UBE2V2: variants seen among roughly 807,000 people sequenced by gnomAD.
UBE2V2 encodes the protein ubiquitin-conjugating enzyme E2 variant 2.
UBE2V2 carries 9 observed loss-of-function variants against 17.2 expected under a neutral mutation model. That is an observed-to-expected ratio of 0.52 (90% CI 0.32 to 0.91). UBE2V2 has a LOEUF of 0.91. UBE2V2 is among the 40% of genes least tolerant of loss of function. The pLI is 0.04. For synonymous variants in UBE2V2, 61 were observed against 57.5 expected (o/e 1.06, Z -0.28); for missense variants, 133 against 182.6 (o/e 0.73, Z 1.56).
chr8:48,004,739 C>T (rs185557749), upstream of UBE2V2, among the ~76,000 whole-genome samples: 6 of 152,154 alleles, frequency 3.9e-5, no homozygotes, highest in East Asian at 1.2e-3. Flanking sequence ...CCATTTTGGC[C>T]AGGCTGGTAT....
In UBE2V2 at chr8:48,061,804, T is replaced by C. The variant is rs1802600143; in HGVS notation, c.*976T>C. On this transcript the variant is annotated 3_prime_UTR_variant, in exon 4 of 4. Coordinates refer to ENST00000523111, the MANE Select transcript of UBE2V2 (RefSeq NM_003350.3). ...TTGAGTTTGATTTCACCAGAAATAA[T>C]AATATTAAAAAGATCTTTGCATTCT... 6.6e-6 allele frequency: 1 copy of C among 152,220 alleles called. No individual in the cohort carries two copies. The highest frequency in any genetic ancestry group is 2.1e-4 in the South Asian group (1 of 4,838). 9.4% of individuals were successfully genotyped at this position (152,220 alleles called of 1,614,324 possible).
At chr8:48,029,134 C>G (rs1005896821) in intron 1 of UBE2V2, among the ~76,000 whole-genome samples, 1 of 151,970 alleles carries the variant, frequency 6.6e-6, no homozygotes, top group Non-Finnish European at 1.5e-5. Context: ...TTGAGAGCAG[C>G]CTGGGCAACG....
chr8:48,014,109 G>A (rs1385481451), intron 1 of UBE2V2, among the ~76,000 whole-genome samples: 1 of 152,134 alleles, frequency 6.6e-6, no homozygotes, highest in Non-Finnish European at 1.5e-5. Flanking sequence ...CCCTCTTGAG[G>A]CTTCCATAAC....
chr8:48,000,021 C>T, the UBE2V2 span, among the ~76,000 whole-genome samples: 4 of 152,222 alleles, frequency 2.6e-5, no homozygotes, highest in Non-Finnish European at 4.4e-5. Flanking sequence ...ATAACATAAC[C>T]GGTTAGGTCA....
chr8:48,020,611 T>C (rs2091298318), intron 1 of UBE2V2, among the ~76,000 whole-genome samples: 1 of 152,148 alleles, frequency 6.6e-6, no homozygotes, highest in Non-Finnish European at 1.5e-5. Context: ...TTTTCTCTAG[T>C]AGTATGTTTT....
chr8:48,049,769 CTTTCCCTT>C (rs912805255), intron 2 of UBE2V2, 76 bp from the exon 3 acceptor site: 1 of 1,258,098 alleles, frequency 7.9e-7, no homozygotes. Context: ...TCATATTGTA[CTTTCCCTT>C]TTTTTTTTTT....
the UBE2V2 span, among the ~76,000 whole-genome samples, chr8:47,999,922 G>C: frequency 6.6e-6 from 1 of 152,324 alleles, no homozygotes; most frequent in South Asian, 2.1e-4. Flanking sequence ...TGAGCAAGCA[G>C]GGGGCTTGCA....
intron 1 of UBE2V2, among the ~76,000 whole-genome samples, chr8:48,020,997 T>C (rs1392170748): frequency 6.6e-6 from 1 of 151,890 alleles, no homozygotes; most frequent in Non-Finnish European, 1.5e-5. Context: ...TTCTCCCACC[T>C]TGGGCTCCAG....
upstream of UBE2V2, among the ~76,000 whole-genome samples, chr8:48,005,022 C>CT (rs111769503): frequency 0.19 from 25,768 of 138,168 alleles, 4,204 homozygotes; most frequent in African/African-American, 0.45. Context: ...ACTTTTTCTC[C>CT]TTTTTTTTTT....
intron 2 of UBE2V2, among the ~76,000 whole-genome samples, chr8:48,046,328 C>T (rs886300678): frequency 8.5e-5 from 13 of 152,258 alleles, no homozygotes; most frequent in Middle Eastern, 3.4e-3. Flanking sequence ...CCATGTTAGC[C>T]GGGATGGTCT....
chr8:48,037,193 T>C (rs546735907), intron 1 of UBE2V2, among the ~76,000 whole-genome samples: 1 of 152,312 alleles, frequency 6.6e-6, no homozygotes, highest in Non-Finnish European at 1.5e-5. Flanking sequence ...AAAATACGTA[T>C]ATAGGTTATG....
At chr8:48,015,861 T>A (rs1366519700) in intron 1 of UBE2V2, among the ~76,000 whole-genome samples, 3 of 152,026 alleles carry the variant, frequency 2.0e-5, no homozygotes, top group Non-Finnish European at 4.4e-5. Context: ...ACTGTATACG[T>A]ATACCACATG....
At chr8:48,019,781 C>T (rs1450583570) in intron 1 of UBE2V2, among the ~76,000 whole-genome samples, 1 of 151,938 alleles carries the variant, frequency 6.6e-6, no homozygotes, top group Non-Finnish European at 1.5e-5. Context: ...CGCCACTGCA[C>T]TTCAGCCTGG....
intron 1 of UBE2V2, among the ~76,000 whole-genome samples, chr8:48,031,014 C>T (rs761963681): frequency 1.3e-5 from 2 of 151,974 alleles, no homozygotes; most frequent in Admixed American, 6.6e-5. Flanking sequence ...GGCCACAGAG[C>T]GAGACTCTGT....
chr8:48,035,384 G>C (rs973155992), intron 1 of UBE2V2, among the ~76,000 whole-genome samples: 1 of 151,850 alleles, frequency 6.6e-6, no homozygotes, highest in Non-Finnish European at 1.5e-5. Context: ...GCCTCCCAAA[G>C]TGCTGGGATT....
chr8:48,042,809 A>G lies in UBE2V2; in HGVS notation c.17-224A>G, dbSNP rs74938733. ...TAAAATTGATGAGGAATTTATATAC[A>G]CGTTGTATACTGCTGTTAATGTTTG... On this transcript the variant is annotated intron_variant, in intron 1 of 3. Coordinates refer to ENST00000523111, the MANE Select transcript of UBE2V2 (RefSeq NM_003350.3). The G allele has an allele frequency of 5.0e-3, 1,741 of 350,548 alleles. 9 individuals carry two copies. The highest frequency in any genetic ancestry group is 7.4e-3 in the Non-Finnish European group (1,456 of 197,248). 21.7% of individuals were successfully genotyped at this position (350,548 alleles called of 1,614,324 possible). A position where few individuals can be genotyped will look rare whatever the true frequency, so the allele number is the denominator to read the frequency against.
rs71225699 is a variant in UBE2V2 at position 48,040,844 on chromosome 8, G to GTTTTTTT, written c.17-2173_17-2167dup. Among the ~76,000 whole-genome samples the GTTTTTTT allele has an allele frequency of 3.7e-3, 272 of 74,086 alleles. 1 individual carries two copies. Among genetic ancestry groups the GTTTTTTT allele is most frequent in the East Asian group, 4.6e-3 (10 of 2,184 alleles). The allele number at this position is 74,086 out of a possible 152,430, so 48.6% of individuals were successfully genotyped here. A position where few individuals can be genotyped will look rare whatever the true frequency, so the allele number is the denominator to read the frequency against. ...GGTTTCATCATGTTGGCCAGGCTGG[G>GTTTTTTT]TTTTTTTTTTTTTTTTTTTTTTGTG... On this transcript the variant is annotated intron_variant, in intron 1 of 3. Coordinates refer to ENST00000523111, the MANE Select transcript of UBE2V2 (RefSeq NM_003350.3).
intron 2 of UBE2V2, among the ~76,000 whole-genome samples, chr8:48,046,347 T>G (rs2091498874): frequency 6.6e-6 from 1 of 152,114 alleles, no homozygotes; most frequent in Non-Finnish European, 1.5e-5. Flanking sequence ...CTCGATCTCC[T>G]GACCTTGTGA....
In UBE2V2 at chr8:48,056,600, C is replaced by T. The variant is rs545191997; in HGVS notation, c.292-4082C>T. Among the ~76,000 whole-genome samples the T allele has an allele frequency of 2.6e-5, 4 of 152,288 alleles. No homozygotes were observed. In the South Asian group the frequency reaches 8.3e-4, roughly 32 times the overall value. On this transcript the variant is annotated intron_variant, in intron 3 of 3. Transcript: ENST00000523111. ...GGAGACAGGGTTTCGTCATCTTGGC[C>T]AGGCTGGTCTCGAACTCCTGGGCTC...
Sources: allele counts gnomAD v4.1 joint callset (sites outside exome capture counted in the v4.1 genomes callset), GRCh38; gene constraint gnomAD v4.1.1; transcripts MANE v1.5; gene names NCBI Gene and HGNC (gene_info 2026-07-23, HGNC 2026-07-21).